Variants in WDHD1 observed in about 807,000 individuals in gnomAD.
WDHD1 encodes the protein WD repeat and HMG-box DNA binding protein 1.
WDHD1 carries 111 observed loss-of-function variants against 135.4 expected under a neutral mutation model. The observed-to-expected ratio is 0.82, with a 90% CI of 0.70 to 0.96. The LOEUF (loss-of-function observed/expected upper bound fraction) is 0.96. Among genes scored for constraint, WDHD1 ranks in the 40% least tolerant of loss-of-function variants. The pLI, the probability that WDHD1 is intolerant of heterozygous loss-of-function variation, is 0.00. For missense variants in WDHD1, 1,351 were observed against 1,336.3 expected (o/e 1.01, Z -0.17); for synonymous variants, 434 against 439.0 (o/e 0.99, Z 0.14).
At chr14:55,014,961 C>A (rs565566938) in intron 2 of WDHD1, among the ~76,000 whole-genome samples, 1 of 151,984 alleles carries the variant, frequency 6.6e-6, no homozygotes, top group South Asian at 2.1e-4. Flanking sequence ...CTGGAGCAGA[C>A]AAGCCAGGAA....
At chr14:54,947,567 G>A (rs766388960) in intron 24 of WDHD1, among the ~76,000 whole-genome samples, 7 of 152,016 alleles carry the variant, frequency 4.6e-5, no homozygotes, top group Non-Finnish European at 1.5e-5. Context: ...ATATATTATG[G>A]TAAAAATGAA....
chr14:54,979,835 C>T (rs68065548), intron 16 of WDHD1, among the ~76,000 whole-genome samples: 43,694 of 152,040 alleles, frequency 0.29, 6,325 homozygotes, highest in Non-Finnish European at 0.3. Flanking sequence ...AATTCTTTTG[C>T]GTATGTAAAG....
chr14:54,991,360 C>T lies in WDHD1; in HGVS notation c.1194G>A (p.Glu398=). ...TGCCTTCTTGACCATCTTCCTCCTC[C>T]TCTTTGAGAAGACTAGAACCAGTTT... ...MLKTGSSLLK[E]EEEDGQEGSI... Residue 398 remains glutamate (E), a synonymous_variant, in exon 12 of 26, where the codon GAG becomes GAA. Transcript: ENST00000360586. 1 of 1,614,170 alleles carries T rather than the reference C, an allele frequency of 6.2e-7. No individual in the cohort carries two copies. Among genetic ancestry groups the T allele is most frequent in the Non-Finnish European group, 8.5e-7 (1 of 1,180,018 alleles).
rs1191767499 is a variant in WDHD1 at position 55,000,516 on chromosome 14, G to A, written c.929C>T (p.Thr310Ile). Reference sequence around the variant, plus strand: ...ACTCCCTTTTACCTTACTGCTTGATGTCTTTCCACTGGGGTCACAAACATT... The same window carrying A: ...ACTCCCTTTTACCTTACTGCTTGATATCTTTCCACTGGGGTCACAAACATT... ...LENVCDPSGK[T>I]SSSKVSSRVE... is the part of the protein sequence containing the mutation. Residue 310 changes from threonine to isoleucine, a missense_variant, in exon 10 of 26, where the codon ACA (threonine) becomes ATA (isoleucine). Thr to Ile is a moderately conservative substitution (Grantham distance 89). Around this residue, in one of 2 missense-constraint regions of WDHD1, gnomAD observed 1,330 missense variants for 1,296.1 expected, o/e 1.03. Coordinates refer to ENST00000360586, the MANE Select transcript of WDHD1 (RefSeq NM_007086.4). 3 of 1,603,050 alleles carry A rather than the reference G, an allele frequency of 1.9e-6. No homozygotes were observed. The highest frequency in any genetic ancestry group is 1.7e-6 in the Non-Finnish European group (2 of 1,174,534).
At chr14:55,010,993 G>A (rs1471259832) in intron 3 of WDHD1, among the ~76,000 whole-genome samples, 1 of 152,204 alleles carries the variant, frequency 6.6e-6, no homozygotes, top group Non-Finnish European at 1.5e-5. Context: ...CAGAAGACAG[G>A]AATGGAACAT....
chr14:55,007,441 G>A (rs1439761593), intron 6 of WDHD1, 66 bp from the exon 7 acceptor site: 44 of 1,160,752 alleles, frequency 3.8e-5, no homozygotes, highest in Non-Finnish European at 4.7e-5. Context: ...ATGCAGAACT[G>A]AATATATTTA....
At chr14:55,014,650 T>C (rs2042230714) in intron 2 of WDHD1, among the ~76,000 whole-genome samples, 1 of 151,902 alleles carries the variant, frequency 6.6e-6, no homozygotes, top group African/African-American at 2.4e-5. Context: ...TCATTTAGTA[T>C]GTGCCCTATC....
Position 54,962,525 on chromosome 14 carries a change from T to G in WDHD1, c.2674A>C (p.Asn892His), listed in dbSNP as rs748145516. ...GACTTAGCTGAAACATCAGAGGAATTTGTACTTTTGGAAAACGAGTTCTGT... is the reference window on the plus strand; with the variant it reads ...GACTTAGCTGAAACATCAGAGGAATGTGTACTTTTGGAAAACGAGTTCTGT... ...PGQNSFSKST[N>H]SSDVSAKSGA... Residue 892 changes from asparagine (N) to histidine (H), a missense_variant, in exon 21 of 26, where the codon AAT (asparagine) becomes CAT (histidine). By Grantham distance (68) the Asn-to-His change is moderately conservative (BLOSUM62 1). This residue lies in a region of WDHD1 where 1,330 missense variants were observed against 1,296.1 expected (regional missense o/e 1.03). Coordinates refer to ENST00000360586, the MANE Select transcript of WDHD1 (RefSeq NM_007086.4). 1 of 1,610,178 alleles carries G rather than the reference T, an allele frequency of 6.2e-7. No individual in the cohort carries two copies. Among genetic ancestry groups the G allele is most frequent in the Non-Finnish European group, 8.5e-7 (1 of 1,177,930 alleles).
At chr14:55,011,076 G>T (rs890396484) in intron 3 of WDHD1, among the ~76,000 whole-genome samples, 10 of 152,196 alleles carry the variant, frequency 6.6e-5, no homozygotes, top group Non-Finnish European at 7.3e-5. Context: ...CTTCTGAACT[G>T]TGAGATAATT....
At chr14:55,012,445 T>G (rs564214225) in intron 3 of WDHD1, among the ~76,000 whole-genome samples, 1 of 152,300 alleles carries the variant, frequency 6.6e-6, no homozygotes, top group African/African-American at 2.4e-5. Context: ...GTAACCTACA[T>G]CTCATTCCCA....
rs747436093 is a variant in WDHD1, at chr14:54,989,188, G to C, written c.1366C>G (p.Arg456Gly). 3.7e-6 allele frequency: 6 copies of C among 1,612,544 alleles called. No individual in the cohort carries two copies. The African/African-American group carries it at 4.0e-5, about 11-fold the overall frequency. Residue 456 changes from arginine (R) to glycine (G), a missense_variant, in exon 13 of 26, where the codon CGC becomes GGC. Arg to Gly is a moderately radical substitution (Grantham distance 125, BLOSUM62 -2). This residue lies in a region of WDHD1 where 1,330 missense variants were observed against 1,296.1 expected (regional missense o/e 1.03). Coordinates refer to ENST00000360586, the MANE Select transcript of WDHD1 (RefSeq NM_007086.4). Reference protein sequence around the residue: ...FMVWNSIGIIRCYNDEQDNAI... With the variant: ...FMVWNSIGIIGCYNDEQDNAI... ...TTGTCTTGCTCATCATTATAGCAGC[G>C]AATAATTCCAATAGAGTTCCACACC...
chr14:55,014,126 G>A (rs746811760), intron 2 of WDHD1, among the ~76,000 whole-genome samples: 12 of 152,200 alleles, frequency 7.9e-5, no homozygotes, highest in Non-Finnish European at 1.6e-4. Context: ...TTTTGAGGCA[G>A]AGTCTCATTC....
intron 15 of WDHD1, among the ~76,000 whole-genome samples, chr14:54,982,009 T>C (rs2041626191): frequency 6.6e-6 from 1 of 151,558 alleles, no homozygotes; most frequent in Non-Finnish European, 1.5e-5. Flanking sequence ...TTATTTATTA[T>C]TATTATTTTT....
intron 13 of WDHD1, among the ~76,000 whole-genome samples, chr14:54,988,034 C>G (rs1204435442): frequency 6.6e-6 from 1 of 152,056 alleles, no homozygotes; most frequent in African/African-American, 2.4e-5. Flanking sequence ...TCTTGATTAA[C>G]AAAAAGCTGA....
intron 24 of WDHD1, among the ~76,000 whole-genome samples, chr14:54,946,464 T>C (rs146301318): frequency 7.3e-4 from 111 of 152,350 alleles, no homozygotes; most frequent in African/African-American, 2.6e-3. Context: ...ACTGATAGTA[T>C]GAAAAATTAA....
chr14:54,954,542 T>C (rs756448850), intron 24 of WDHD1, among the ~76,000 whole-genome samples: 1 of 152,236 alleles, frequency 6.6e-6, no homozygotes, highest in Non-Finnish European at 1.5e-5. Flanking sequence ...AAATTATTCA[T>C]TGCAGTACTG....
chr14:55,014,459 C>T (rs1232344599), intron 2 of WDHD1, among the ~76,000 whole-genome samples: 2 of 152,110 alleles, frequency 1.3e-5, no homozygotes, highest in Non-Finnish European at 2.9e-5. Flanking sequence ...AAAATAGGGA[C>T]CGTATCTTCC....
At chr14:54,997,424 C>T (rs1279651357) in intron 10 of WDHD1, among the ~76,000 whole-genome samples, 3 of 152,064 alleles carry the variant, frequency 2.0e-5, no homozygotes, top group African/African-American at 7.2e-5. Flanking sequence ...TGGAAGTAAA[C>T]ATAACTGTGC....
Position 54,972,553 on chromosome 14 carries a change from C to CAAAAAAAAAAAAAAAAAA in WDHD1, c.2064-5177_2064-5160dup, listed in dbSNP as rs71410642. On this transcript the variant is annotated intron_variant, in intron 16 of 25. Transcript: ENST00000360586. The stretch of plus-strand genomic sequence containing the variant: ...CCTGGGCAATAAAGCAAGACTGTCA[C>CAAAAAAAAAAAAAAAAAA]AAAAAAAAAAAAAAAAAAAAAAAAA... Among the ~76,000 whole-genome samples, 35 of 25,498 alleles carry CAAAAAAAAAAAAAAAAAA rather than the reference C, an allele frequency of 1.4e-3. 9 individuals are homozygous for CAAAAAAAAAAAAAAAAAA. Among genetic ancestry groups the CAAAAAAAAAAAAAAAAAA allele is most frequent in the Non-Finnish European group, 1.8e-3 (27 of 15,220 alleles). 16.7% of individuals were successfully genotyped at this position (25,498 alleles called of 152,430 possible).
Sources: gnomAD v4.1 joint callset for allele counts (sites outside exome capture counted in the v4.1 genomes callset) on GRCh38, gnomAD v4.1.1 for gene constraint, gnomAD v4.1.1 regional missense constraint, MANE v1.5 for transcripts, NCBI Gene and HGNC (gene_info 2026-07-23, HGNC 2026-07-21) for gene names.